SNTG2: variants seen among roughly 807,000 people sequenced by gnomAD.
The protein encoded by SNTG2 is gamma-2-syntrophin.
In SNTG2, 74 loss-of-function variants were observed where a neutral mutation model predicts 70.9. That is an observed-to-expected ratio of 1.04 (90% CI 0.86 to 1.27). The LOEUF is 1.27. SNTG2 is among the 50% of genes most tolerant of loss of function. The pLI is 0.00. For missense variants in SNTG2, 717 were observed against 690.7 expected, an observed-to-expected ratio of 1.04 and a Z score of -0.43; for synonymous variants, 278 against 273.8, an observed-to-expected ratio of 1.02 and a Z score of -0.15.
At chr2:1,211,676 C>A (rs1674053983) in intron 9 of SNTG2, among the ~76,000 whole-genome samples, 1 of 152,092 alleles carries the variant, frequency 6.6e-6, no homozygotes, top group African/African-American at 2.4e-5. Context: ...CTTTATAAAA[C>A]CATCAGATCT....
At chr2:1,364,762 T>C (rs76883119) in intron 16 of SNTG2, among the ~76,000 whole-genome samples, 2 of 130,712 alleles carry the variant, frequency 1.5e-5, no homozygotes, top group Non-Finnish European at 3.2e-5. Flanking sequence ...AAAAAAAAAT[T>C]AGCTGGGTGT....
intron 4 of SNTG2, among the ~76,000 whole-genome samples, chr2:1,118,886 T>A (rs1421726220): frequency 6.6e-6 from 1 of 152,166 alleles, no homozygotes; most frequent in Admixed American, 6.5e-5. Context: ...AAGTTTTCAG[T>A]CTTGGGAGAG....
intron 6 of SNTG2, among the ~76,000 whole-genome samples, chr2:1,144,785 C>G (rs1668992630): frequency 6.6e-6 from 1 of 152,158 alleles, no homozygotes. Flanking sequence ...CCACCAGGTC[C>G]CTCCCGTAAC....
rs59679083 is a variant in SNTG2, at chr2:1,266,751, C to CTTTTTTTTTTTTTTTTTTTTTTTTTTTTT, written c.1078-600_1078-599insTTTTTTTTTTTTTTTTTTTTTTTTTTTTT. On this transcript the variant is annotated intron_variant, in intron 13 of 16. Coordinates refer to ENST00000308624, the MANE Select transcript of SNTG2 (RefSeq NM_018968.4). ...AATGTCTCAAGACTTTCATCTTTAT[C>CTTTTTTTTTTTTTTTTTTTTTTTTTTTTT]TTTTTTTTTTTTTTCTTGAGACAGG... Among the ~76,000 whole-genome samples, 8 of 107,752 alleles carry CTTTTTTTTTTTTTTTTTTTTTTTTTTTTT rather than the reference C, an allele frequency of 7.4e-5. 1 individual carries two copies. Among genetic ancestry groups the CTTTTTTTTTTTTTTTTTTTTTTTTTTTTT allele is most frequent in the Non-Finnish European group, 1.4e-4 (8 of 57,962 alleles). The allele number at this position is 107,752 out of a possible 152,430, so 70.7% of individuals were successfully genotyped here.
chr2:1,133,998 G>T (rs895107806), intron 4 of SNTG2, among the ~76,000 whole-genome samples: 26 of 152,228 alleles, frequency 1.7e-4, no homozygotes, highest in African/African-American at 6.3e-4. Context: ...CTTCCTTCTG[G>T]TGGGTTCGTG....
Position 991,372 on chromosome 2 carries a change from T to TACACACACACATAC in SNTG2, c.72+40315_72+40316insTACACACACACACA, listed in dbSNP as rs370317783. On this transcript the variant is annotated intron_variant, in intron 1 of 16. Coordinates refer to ENST00000308624, the MANE Select transcript of SNTG2 (RefSeq NM_018968.4). ...AGGGAGCTTATAAGTTCTGTAATAT[T>TACACACACACATAC]ACACACACACACACACACACACACA... 3.3e-3 allele frequency among the ~76,000 whole-genome samples: 465 copies of TACACACACACATAC among 140,342 alleles called. 4 individuals are homozygous for TACACACACACATAC. Among genetic ancestry groups the TACACACACACATAC allele is most frequent in the African/African-American group, 0.011 (434 of 37,898 alleles). The allele number at this position is 140,342 out of a possible 152,430, so 92.1% of individuals were successfully genotyped here. A position where few individuals can be genotyped will look rare whatever the true frequency, so the allele number is the denominator to read the frequency against.
chr2:1,054,039 G>A (rs552172613), intron 1 of SNTG2, among the ~76,000 whole-genome samples: 19 of 151,976 alleles, frequency 1.3e-4, no homozygotes, highest in African/African-American at 4.6e-4. Context: ...TCTTGGCCTT[G>A]TTGTTTGTGC....
chr2:954,180 G>A (rs748203926), intron 1 of SNTG2, among the ~76,000 whole-genome samples: 3 of 152,148 alleles, frequency 2.0e-5, no homozygotes, highest in Non-Finnish European at 4.4e-5. Flanking sequence ...GGCATGGGGC[G>A]GACACAGGCA....
Position 1,255,895 on chromosome 2 carries a change from A to AATATATATATAAAT in SNTG2, c.1006-3465_1006-3452dup, listed in dbSNP as rs1678069750. 6.3e-5 allele frequency among the ~76,000 whole-genome samples: 4 copies of AATATATATATAAAT among 63,890 alleles called. No homozygotes were observed. In the South Asian group the frequency reaches 2.0e-3, roughly 32 times the overall value. 41.9% of individuals were successfully genotyped at this position (63,890 alleles called of 152,430 possible). A position where few individuals can be genotyped will look rare whatever the true frequency, so the allele number is the denominator to read the frequency against. Reference sequence around the variant, plus strand: ...ATAAATATATATATAAATATATATAAATATATATATAAATATATATATAAA... The same window carrying AATATATATATAAAT: ...ATAAATATATATATAAATATATATAAATATATATATAAATATATATATATAAATATATATATAAA... On this transcript the variant is annotated intron_variant, in intron 12 of 16. Transcript: ENST00000308624.
rs533897325 is a variant in SNTG2 at position 1,017,413 on chromosome 2, G to A, written c.73-66105G>A. Among the ~76,000 whole-genome samples the A allele has an allele frequency of 6.6e-5, 10 of 152,266 alleles. No homozygotes were observed. In the East Asian group the frequency reaches 1.9e-3, roughly 29 times the overall value. ...TACACATGCAGGCATGCAGACACAT[G>A]GAGCTACGTGTACACATGCAGACAC... On this transcript the variant is annotated intron_variant, in intron 1 of 16. Coordinates refer to ENST00000308624, the MANE Select transcript of SNTG2 (RefSeq NM_018968.4).
chr2:1,137,588 T>G, intron 4 of SNTG2, 34 bp from the exon 5 acceptor site: 1 of 1,607,712 alleles, frequency 6.2e-7, no homozygotes, highest in South Asian at 1.1e-5. Flanking sequence ...CTGAGATTTC[T>G]CTTAAAACTG....
chr2:1,163,417 C>G (rs1488652181), intron 6 of SNTG2: 2 of 150,678 alleles, frequency 1.3e-5, no homozygotes, highest in African/African-American at 2.5e-5. Context: ...GCCTGTGAAG[C>G]CTCCCAACAG....
chr2:1,012,281 A>G (rs1327596282), intron 1 of SNTG2, among the ~76,000 whole-genome samples: 2 of 152,186 alleles, frequency 1.3e-5, no homozygotes, highest in Non-Finnish European at 2.9e-5. Flanking sequence ...ACAAAACAAC[A>G]TCTTGAAATA....
At chr2:1,066,694 G>A (rs1663177136) in intron 1 of SNTG2, among the ~76,000 whole-genome samples, 1 of 152,120 alleles carries the variant, frequency 6.6e-6, no homozygotes, top group Non-Finnish European at 1.5e-5. Context: ...TAGAATAAGA[G>A]AAGACGATGC....
Position 1,308,732 on chromosome 2 carries a change from T to C in SNTG2, c.1377+146T>C, listed in dbSNP as rs79275951. On this transcript the variant is annotated intron_variant, in intron 15 of 16. Transcript: ENST00000308624. ...CAGAGGCCTTGCTTTCATAGACTTT[T>C]TTTTCTGATAGCTCAGGGCCCCAGG... 5.0e-3 allele frequency: 3,394 copies of C among 675,848 alleles called. 74 individuals are homozygous for C. The African/African-American group carries it at 0.052, about 10-fold the overall frequency. 41.9% of individuals were successfully genotyped at this position (675,848 alleles called of 1,614,324 possible). A position where few individuals can be genotyped will look rare whatever the true frequency, so the allele number is the denominator to read the frequency against.
At chr2:1,175,553 A>G (rs1671418657) in intron 8 of SNTG2, among the ~76,000 whole-genome samples, 1 of 152,188 alleles carries the variant, frequency 6.6e-6, no homozygotes, top group Admixed American at 6.5e-5. Flanking sequence ...TATGGAAAGC[A>G]TATTTATTTG....
At chr2:975,253 G>A (rs1660873077) in intron 1 of SNTG2, among the ~76,000 whole-genome samples, 1 of 151,798 alleles carries the variant, frequency 6.6e-6, no homozygotes, top group African/African-American at 2.4e-5. Context: ...CCACATGCTT[G>A]CACTCACACC....
intron 1 of SNTG2, among the ~76,000 whole-genome samples, chr2:1,019,563 C>G (rs1660040542): frequency 6.6e-6 from 1 of 152,110 alleles, no homozygotes; most frequent in Non-Finnish European, 1.5e-5. Flanking sequence ...AGATTGCACA[C>G]TCTTCTGGAA....
intron 1 of SNTG2, among the ~76,000 whole-genome samples, chr2:1,057,010 G>T (rs940680672): frequency 6.6e-6 from 1 of 151,274 alleles, no homozygotes; most frequent in Non-Finnish European, 1.5e-5. Context: ...GGAGAGGGCG[G>T]CGCAGCGCTG....
Sources: allele counts gnomAD v4.1 joint callset (sites outside exome capture counted in the v4.1 genomes callset), GRCh38; gene constraint gnomAD v4.1.1; transcripts MANE v1.5; gene names NCBI Gene and HGNC (gene_info 2026-07-23, HGNC 2026-07-21).